ACADM: variants seen among roughly 807,000 people sequenced by gnomAD.
ACADM encodes medium-chain specific acyl-CoA dehydrogenase, mitochondrial.
ACADM carries 49 observed loss-of-function variants against 58.9 expected under a neutral mutation model. The observed-to-expected ratio is 0.83, with a 90% CI of 0.66 to 1.06. ACADM has a LOEUF of 1.06. ACADM is among the 50% of genes least tolerant of loss of function. ACADM has a pLI of 0.00. For missense variants in ACADM, 496 were observed against 507.0 expected (o/e 0.98, Z 0.21); for synonymous variants, 160 against 157.7 (o/e 1.01, Z -0.11).
chr1:75,758,740 T>C (rs1197458363), intron 10 of ACADM, among the ~76,000 whole-genome samples: 2 of 152,144 alleles, frequency 1.3e-5, no homozygotes, highest in African/African-American at 4.8e-5. Flanking sequence ...TGTGTAAAAA[T>C]GCACGAATCA....
intron 1 of ACADM, among the ~76,000 whole-genome samples, chr1:75,726,091 G>T (rs1647051028): frequency 1.3e-5 from 2 of 152,182 alleles, no homozygotes; most frequent in South Asian, 4.1e-4. Flanking sequence ...AGTCACATGT[G>T]AAGTGACTTT....
rs1025806512 is a variant in ACADM, at chr1:75,762,835, T to G, written c.*72T>G. 1 of 916,254 alleles carries G rather than the reference T, an allele frequency of 1.1e-6. No homozygotes were observed. Among genetic ancestry groups the G allele is most frequent in the Non-Finnish European group, 1.7e-6 (1 of 578,218 alleles). The allele number at this position is 916,254 out of a possible 1,614,324, so 56.8% of individuals were successfully genotyped here. Reference sequence around the variant, plus strand: ...TTCAGCTCCAGAAAAAAGAAAGGGCTTTAACGTTTTTTCCAGTGAAAACAA... The same window carrying G: ...TTCAGCTCCAGAAAAAAGAAAGGGCGTTAACGTTTTTTCCAGTGAAAACAA... On this transcript the variant is annotated 3_prime_UTR_variant, in exon 12 of 12. Transcript: ENST00000370841.
chr1:75,742,711 T>C (rs1049949547), intron 7 of ACADM, among the ~76,000 whole-genome samples: 1 of 152,180 alleles, frequency 6.6e-6, no homozygotes, highest in African/African-American at 2.4e-5. Flanking sequence ...ATGAGTCTTC[T>C]TGGTGTGAGC....
chr1:75,759,160 T>C (rs985094244), intron 10 of ACADM, among the ~76,000 whole-genome samples: 6 of 152,164 alleles, frequency 3.9e-5, no homozygotes, highest in Admixed American at 2.0e-4. Context: ...GGCTTCATTC[T>C]TGAAGTCAGC....
chr1:75,726,925 G>A (rs996209663), intron 1 of ACADM, among the ~76,000 whole-genome samples: 1 of 150,410 alleles, frequency 6.6e-6, no homozygotes, highest in Non-Finnish European at 1.5e-5. Context: ...CTGCCTCAGC[G>A]TCCCGAGTAG....
At chr1:75,731,987 AC>A (rs1323023461) in intron 2 of ACADM, among the ~76,000 whole-genome samples, 3 of 152,182 alleles carry the variant, frequency 2.0e-5, no homozygotes, top group African/African-American at 7.2e-5. Context: ...CCCTGTATCT[AC>A]AAAAATTACA....
At chr1:75,737,335 A>G (rs1194263773) in intron 6 of ACADM, among the ~76,000 whole-genome samples, 1 of 124,884 alleles carries the variant, frequency 8.0e-6, no homozygotes, top group Admixed American at 8.0e-5. Context: ...TATGAAACCA[A>G]AAAGAAGAAA....
chr1:75,739,991 A>G lies in ACADM; in HGVS notation c.480A>G (p.Val160=). Residue 160 remains valine (V), a synonymous_variant, in exon 7 of 12, where the codon GTA becomes GTG. Transcript: ENST00000370841. ...TTTATATATTCAAGGCTTATTGTGT[A>G]ACAGAACCTGGAGCAGGCTCTGATG... is the stretch of plus-strand genomic sequence containing the variant. The part of the protein sequence containing the change: ...TEEPLMCAYC[V]TEPGAGSDVA... 6.2e-7 allele frequency: 1 copy of G among 1,611,636 alleles called. No individual in the cohort carries two copies. The highest frequency in any genetic ancestry group is 1.3e-5 in the African/African-American group (1 of 75,010).
At position 75,729,285 on chromosome 1, in the gene ACADM, T is replaced by G. The variant is rs553910281; in HGVS notation, c.118+797T>G. On this transcript the variant is annotated intron_variant, in intron 2 of 11. Coordinates refer to ENST00000370841, the MANE Select transcript of ACADM (RefSeq NM_000016.6). ...GAAATTTTTCTTTTCTTTTTCTTTC[T>G]TTCTTTTTTCTTTTTTTTTTTTTTT... is the stretch of plus-strand genomic sequence containing the variant. Among the ~76,000 whole-genome samples the G allele has an allele frequency of 4.8e-4, 52 of 109,380 alleles. No individual in the cohort carries two copies. The Admixed American group carries it at 5.0e-3, about 10-fold the overall frequency. 71.8% of individuals were successfully genotyped at this position (109,380 alleles called of 152,430 possible). A position where few individuals can be genotyped will look rare whatever the true frequency, so the allele number is the denominator to read the frequency against.
At chr1:75,749,249 A>G (rs1648065488) in intron 8 of ACADM, among the ~76,000 whole-genome samples, 170 bp from the exon 9 acceptor site, 1 of 152,222 alleles carries the variant, frequency 6.6e-6, no homozygotes, top group South Asian at 2.1e-4. Context: ...ATATGAACAA[A>G]TAGGCGTGAC....
At chr1:75,737,280 A>ATATATG (rs1647305454) in intron 6 of ACADM, among the ~76,000 whole-genome samples, 8 of 5,456 alleles carry the variant, frequency 1.5e-3, no homozygotes, top group Non-Finnish European at 2.1e-3. Context: ...ACACACACAA[A>ATATATG]TATATATATA....
intron 10 of ACADM, among the ~76,000 whole-genome samples, chr1:75,755,321 C>T (rs1408571547): frequency 6.6e-6 from 1 of 152,196 alleles, no homozygotes; most frequent in Non-Finnish European, 1.5e-5. Context: ...TCAAGTGGGT[C>T]CCTGACCCCT....
At chr1:75,730,108 T>C (rs1228096164) in intron 2 of ACADM, among the ~76,000 whole-genome samples, 1 of 152,138 alleles carries the variant, frequency 6.6e-6, no homozygotes, top group Non-Finnish European at 1.5e-5. Flanking sequence ...TTGGCAACGC[T>C]GGTCTCGAAC....
In ACADM at chr1:75,743,350, T is replaced by C. The variant is rs1471139153; in HGVS notation, c.600-2456T>C. On this transcript the variant is annotated intron_variant, in intron 7 of 11. Transcript: ENST00000370841. ...TGTCACCAGGCTAACCTGGGACCCA[T>C]GAGGGGACAGGGAGAAGACTGGTTT... 4 of 1,543,622 alleles carry C rather than the reference T, an allele frequency of 2.6e-6. No homozygotes were observed. The East Asian group carries it at 9.0e-5, about 35-fold the overall frequency.
chr1:75,732,736 G>T lies in ACADM; in HGVS notation c.211G>T (p.Gly71Cys). Residue 71 changes from glycine to cysteine, a missense_variant, in exon 3 of 12, where the codon GGT becomes TGT. Gly to Cys is a radical substitution (Grantham distance 159). Transcript: ENST00000370841. ...AGTGGCTGCAGAATATGATAAAACT[G>T]GTGAAGTAGGTATATACATTTTAAA... Reference protein sequence around the residue: ...IPVAAEYDKTGEYPVPLIRRA... With the variant: ...IPVAAEYDKTCEYPVPLIRRA... The T allele has an allele frequency of 6.2e-7, 1 of 1,612,990 alleles. No homozygotes were observed. Among genetic ancestry groups the T allele is most frequent in the South Asian group, 1.1e-5 (1 of 91,058 alleles).
intron 7 of ACADM, chr1:75,743,871 A>T (rs1226732518): frequency 1.4e-6 from 2 of 1,420,734 alleles, no homozygotes; most frequent in East Asian, 2.3e-5. Flanking sequence ...TTATATCATC[A>T]ATCACTGCGT....
At chr1:75,729,927 C>T (rs1208757967) in intron 2 of ACADM, among the ~76,000 whole-genome samples, 1 of 101,814 alleles carries the variant, frequency 9.8e-6, no homozygotes, top group Non-Finnish European at 1.8e-5. Flanking sequence ...CTGAGTCTTG[C>T]TCTGTTGCTC....
Position 75,732,910 on chromosome 1 carries a change from C to G in ACADM, c.274C>G (p.Pro92Ala). Residue 92 changes from proline (P) to alanine (A), a missense_variant, in exon 4 of 12, where the codon CCA (proline) becomes GCA (alanine). Transcript: ENST00000370841. ...ACTTGGTTTAATGAACACACACATT[C>G]CAGAGAACTGTGGTAAGCTTTCTTT... ...WELGLMNTHIPENCGGLGLGT... is the reference protein window; with the variant it reads ...WELGLMNTHIAENCGGLGLGT... 6.2e-7 allele frequency: 1 copy of G among 1,613,860 alleles called. No homozygotes were observed. Among genetic ancestry groups the G allele is most frequent in the Non-Finnish European group, 8.5e-7 (1 of 1,179,834 alleles).
At chr1:75,731,445 C>G (rs549695030) in intron 2 of ACADM, among the ~76,000 whole-genome samples, 2 of 152,172 alleles carry the variant, frequency 1.3e-5, no homozygotes, top group Admixed American at 1.3e-4. Flanking sequence ...TTGAAATACC[C>G]TATTATCTCT....
Sources: allele counts gnomAD v4.1 joint callset (sites outside exome capture counted in the v4.1 genomes callset), GRCh38; gene constraint gnomAD v4.1.1; transcripts MANE v1.5; gene names NCBI Gene and HGNC (gene_info 2026-07-23, HGNC 2026-07-21).